MEGF6: variants seen among roughly 807,000 people sequenced by gnomAD.
The protein encoded by MEGF6 is multiple epidermal growth factor-like domains protein 6.
MEGF6 carries 184 observed loss-of-function variants against 207.1 expected under a neutral mutation model. That is an observed-to-expected ratio of 0.89 (90% confidence interval 0.79 to 1.00). The LOEUF (loss-of-function observed/expected upper bound fraction) is 1.00. MEGF6 is among the 50% of genes least tolerant of loss of function. The pLI is 0.00. For missense variants in MEGF6, 2,282 were observed against 2,202.9 expected, an observed-to-expected ratio of 1.04 and a Z score of -0.72; for synonymous variants, 1,038 against 910.0, an observed-to-expected ratio of 1.14 and a Z score of -2.53.
At chr1:3,498,140 G>A (rs1557717454) in intron 26 of MEGF6, among the ~76,000 whole-genome samples, 2 of 152,162 alleles carry the variant, frequency 1.3e-5, no homozygotes, top group South Asian at 2.1e-4. Flanking sequence ...GGCTGGCTGG[G>A]GCTACCCCTG....
chr1:3,505,834 T>G (rs1641093810), intron 15 of MEGF6, among the ~76,000 whole-genome samples: 1 of 152,196 alleles, frequency 6.6e-6, no homozygotes, highest in Admixed American at 6.5e-5. Context: ...GGCCTGGCCC[T>G]GCCCTCATCT....
intron 1 of MEGF6, among the ~76,000 whole-genome samples, chr1:3,603,728 C>G (rs555026981): frequency 6.6e-6 from 1 of 152,224 alleles, no homozygotes; most frequent in Admixed American, 6.5e-5. Flanking sequence ...GGCTCGGTAC[C>G]GCCCTCCGCC....
At chr1:3,523,075 G>GGT (rs1553195893) in intron 5 of MEGF6, among the ~76,000 whole-genome samples, 4 of 31,680 alleles carry the variant, frequency 1.3e-4, no homozygotes, top group South Asian at 1.3e-3. Context: ...AGTGTGTGCC[G>GGT]GGGGGGGGGC....
At position 3,506,239 on chromosome 1, in the gene MEGF6, G is replaced by C; in HGVS notation, c.1790-3C>G. 3 of 1,607,984 alleles carry C rather than the reference G, an allele frequency of 1.9e-6. No homozygotes were observed. In the South Asian group the frequency reaches 3.3e-5, roughly 18 times the overall value. On this transcript the variant is annotated splice_polypyrimidine_tract_variant and splice_region_variant and intron_variant, in intron 14 of 36. Coordinates refer to ENST00000356575, the MANE Select transcript of MEGF6 (RefSeq NM_001409.4). ...GCCATAGTAGCCCTTGGGGCAGCCTGGGGGCAGCGGGGCTCCATGTGAACC... is the reference window on the plus strand; with the variant it reads ...GCCATAGTAGCCCTTGGGGCAGCCTCGGGGCAGCGGGGCTCCATGTGAACC...
In MEGF6 at chr1:3,512,137, G is replaced by A. The variant is rs1344425738; in HGVS notation, c.854-9C>T. 5.0e-6 allele frequency: 8 copies of A among 1,598,070 alleles called. No individual in the cohort carries two copies. The highest frequency in any genetic ancestry group is 1.3e-5 in the African/African-American group (1 of 74,848). ...GGCACATTCGTCCACATCTGGAGGG[G>A]AGAGACCACAGGGAGGGCTCAGAGG... On this transcript the variant is annotated splice_polypyrimidine_tract_variant and intron_variant, in intron 7 of 36. Transcript: ENST00000356575.
Position 3,595,344 on chromosome 1 carries a change from G to A in MEGF6, c.370C>T (p.Leu124Phe). 1 of 1,610,490 alleles carries A rather than the reference G, an allele frequency of 6.2e-7. No homozygotes were observed. Among genetic ancestry groups the A allele is most frequent in the Non-Finnish European group, 8.5e-7 (1 of 1,178,128 alleles). ...AGGCGCAGGCGGCACTCACCCGAGA[G>A]GCAGCCCTCCTCGTCGGGCTGCTGC... ...WMQQPDEEGC[L>F]SAECSASLCF... is the part of the protein sequence containing the mutation. The change falls in exon 3 of 37, where the codon CTC becomes TTC. Residue 124 changes from leucine (L) to phenylalanine (F), a missense_variant. Coordinates refer to ENST00000356575, the MANE Select transcript of MEGF6 (RefSeq NM_001409.4).
intron 4 of MEGF6, among the ~76,000 whole-genome samples, chr1:3,570,852 C>T (rs558531812): frequency 1.3e-5 from 2 of 152,308 alleles, no homozygotes; most frequent in East Asian, 1.9e-4. Context: ...CCCATTCACA[C>T]GGCAGAGGCT....
At chr1:3,605,390 C>A (rs1398277888) in intron 1 of MEGF6, among the ~76,000 whole-genome samples, 1 of 151,944 alleles carries the variant, frequency 6.6e-6, no homozygotes, top group South Asian at 2.1e-4. Flanking sequence ...CACTACCATA[C>A]CCACAATTAC....
chr1:3,511,152 C>T (rs1248086862), intron 9 of MEGF6, among the ~76,000 whole-genome samples: 1 of 152,238 alleles, frequency 6.6e-6, no homozygotes, highest in Non-Finnish European at 1.5e-5. Context: ...ATGTCACAGC[C>T]CCAGGGCCAC....
intron 1 of MEGF6, among the ~76,000 whole-genome samples, chr1:3,606,007 G>A (rs1644245350): frequency 6.6e-6 from 1 of 152,152 alleles, no homozygotes; most frequent in Admixed American, 6.5e-5. Flanking sequence ...TCCTCCTACT[G>A]ACAGATACTC....
At chr1:3,495,565 A>G (rs1640562732) in intron 30 of MEGF6, among the ~76,000 whole-genome samples, 1 of 152,224 alleles carries the variant, frequency 6.6e-6, no homozygotes, top group Non-Finnish European at 1.5e-5. Context: ...CCCTTCTGCA[A>G]GGGGCCAGGC....
intron 3 of MEGF6, among the ~76,000 whole-genome samples, chr1:3,581,938 C>A (rs571705352): frequency 2.6e-5 from 4 of 151,442 alleles, no homozygotes; most frequent in African/African-American, 7.2e-5. Flanking sequence ...TCCCTCCCTG[C>A]CCTCCCAGGA....
At chr1:3,544,406 C>T (rs1012423863) in intron 4 of MEGF6, among the ~76,000 whole-genome samples, 3 of 149,954 alleles carry the variant, frequency 2.0e-5, no homozygotes, top group Non-Finnish European at 4.4e-5. Context: ...CTCTCAACCC[C>T]GGAGCACAGC....
At chr1:3,591,283 C>T (rs749542156) in intron 3 of MEGF6, among the ~76,000 whole-genome samples, 1 of 152,220 alleles carries the variant, frequency 6.6e-6, no homozygotes, top group Non-Finnish European at 1.5e-5. Flanking sequence ...GAAGAGATAT[C>T]CCAGAACCAC....
At chr1:3,501,695 GC>G in intron 18 of MEGF6, 100 bp downstream of exon 18, 1 of 1,452,272 alleles carries the variant, frequency 6.9e-7, no homozygotes, top group Non-Finnish European at 9.2e-7. Context: ...CTATAGACGG[GC>G]CTGGGATCCG....
At chr1:3,550,444 G>A (rs1031126048) in intron 4 of MEGF6, among the ~76,000 whole-genome samples, 5 of 152,216 alleles carry the variant, frequency 3.3e-5, no homozygotes, top group Admixed American at 6.5e-5. Flanking sequence ...AAAATGTCTC[G>A]GAATGAGATA....
At chr1:3,580,701 G>A (rs1373176046) in intron 3 of MEGF6, among the ~76,000 whole-genome samples, 1 of 152,012 alleles carries the variant, frequency 6.6e-6, no homozygotes, top group East Asian at 1.9e-4. Context: ...TCCTTCACCG[G>A]GCAGCCCCTA....
In MEGF6 at chr1:3,590,942, G is replaced by T. The variant is rs540891476; in HGVS notation, c.376+4396C>A. Among the ~76,000 whole-genome samples, 13 of 147,492 alleles carry T rather than the reference G, an allele frequency of 8.8e-5. No individual in the cohort carries two copies. In the East Asian group the frequency reaches 3.0e-3, roughly 34 times the overall value. ...TCCTCCAGCTCACAGGGACAGCGGT[G>T]CCCTGGTCTAGGAAGCAGGGAGGAC... is the stretch of plus-strand genomic sequence containing the variant. On this transcript the variant is annotated intron_variant, in intron 3 of 36. Transcript: ENST00000356575.
chr1:3,544,236 C>T (rs538688870), intron 4 of MEGF6, among the ~76,000 whole-genome samples: 1 of 150,138 alleles, frequency 6.7e-6, no homozygotes, highest in African/African-American at 2.5e-5. Context: ...CCCTCTCCCC[C>T]CAGCATCGCA....
Sources: gnomAD v4.1 joint callset for allele counts (sites outside exome capture counted in the v4.1 genomes callset) on GRCh38, gnomAD v4.1.1 for gene constraint, MANE v1.5 for transcripts, NCBI Gene and HGNC (gene_info 2026-07-23, HGNC 2026-07-21) for gene names.